SYTL5: variants seen among roughly 807,000 people sequenced by gnomAD.
SYTL5 encodes synaptotagmin-like protein 5.
A neutral mutation model predicts 55.9 loss-of-function variants in SYTL5; 34 were observed. That is an observed-to-expected ratio of 0.61 (90% CI 0.46 to 0.81). SYTL5 has a LOEUF of 0.81. Ranked by LOEUF, SYTL5 falls within the 30% of genes least tolerant of loss-of-function variation. SYTL5 has a pLI of 0.00. For synonymous variants in SYTL5, 221 were observed against 188.7 expected (o/e 1.17, Z -1.40); for missense variants, 637 against 546.7 (o/e 1.17, Z -1.65).
the SYTL5 span, among the ~76,000 whole-genome samples, chrX:37,990,318 G>T: frequency 1.8e-5 from 2 of 112,058 alleles, no homozygotes; most frequent in African/African-American, 6.5e-5. Context: ...GAGTTGATAT[G>T]GGAATATTCA....
chrX:38,033,034 AT>A (rs1307435916), intron 1 of SYTL5, among the ~76,000 whole-genome samples: 2 of 111,781 alleles, frequency 1.8e-5, no homozygotes, highest in Admixed American at 9.5e-5. Context: ...CTGTAACTTA[AT>A]TTTTTTTATT....
intron 2 of SYTL5, among the ~76,000 whole-genome samples, chrX:38,048,676 A>G (rs1935543102): frequency 9.0e-6 from 1 of 110,783 alleles, no homozygotes; most frequent in Non-Finnish European, 1.9e-5. Flanking sequence ...TTATAAAACC[A>G]TCAGATCTCA....
intron 5 of SYTL5, among the ~76,000 whole-genome samples, chrX:38,075,623 A>C (rs968727032): frequency 6.3e-5 from 7 of 111,721 alleles, no homozygotes; most frequent in Admixed American, 1.9e-4. Flanking sequence ...ATACCTTGAC[A>C]TTATATTAAG....
At chrX:37,975,639 T>C in the SYTL5 span, among the ~76,000 whole-genome samples, 1 of 111,557 alleles carries the variant, frequency 9.0e-6, no homozygotes, top group Admixed American at 9.5e-5. Context: ...GGGTGGAGTA[T>C]AGAAGCTGTG....
At chrX:37,956,854 AG>A in the SYTL5 span, among the ~76,000 whole-genome samples, 1 of 111,492 alleles carries the variant, frequency 9.0e-6, no homozygotes, top group Admixed American at 9.6e-5. Context: ...AAATTTTCTG[AG>A]GAACCTCCGT....
chrX:37,977,406 G>A, the SYTL5 span, among the ~76,000 whole-genome samples: 1 of 110,206 alleles, frequency 9.1e-6, no homozygotes, highest in Non-Finnish European at 1.9e-5. Context: ...AGTATGAAAG[G>A]CGTTCCAGGT....
At chrX:38,083,191 T>C (rs1026375885) in intron 6 of SYTL5, among the ~76,000 whole-genome samples, 3 of 111,414 alleles carry the variant, frequency 2.7e-5, no homozygotes, top group Non-Finnish European at 5.7e-5. Flanking sequence ...CTTCTGGTCA[T>C]TATTTAGAAA....
intron 2 of SYTL5, among the ~76,000 whole-genome samples, chrX:38,035,590 C>CA (rs1311843520): frequency 0.038 from 2,053 of 53,469 alleles, 21 homozygotes; most frequent in African/African-American, 0.058. Context: ...GACTCCGTCT[C>CA]AAAAAAAAAA....
intron 1 of SYTL5, among the ~76,000 whole-genome samples, chrX:38,030,935 T>A (rs1440913113): frequency 8.9e-6 from 1 of 112,099 alleles, no homozygotes; most frequent in African/African-American, 3.2e-5. Flanking sequence ...AAGGTCAAGC[T>A]CTCAAGGAAA....
chrX:38,089,401 C>T lies in SYTL5; in HGVS notation c.690-45C>T. On this transcript the variant is annotated intron_variant, in intron 6 of 16. Transcript: ENST00000297875. ...TTTACTCTGCCTGTGTATTTGGTTG[C>T]TGCTCTGCTTCCATGTTAAAGTCAG... 3.4e-6 allele frequency: 4 copies of T among 1,169,875 alleles called. No individual in the cohort carries two copies. The East Asian group carries it at 1.2e-4, about 36-fold the overall frequency.
At chrX:38,048,084 G>A (rs891642802) in intron 2 of SYTL5, among the ~76,000 whole-genome samples, 14 of 110,335 alleles carry the variant, frequency 1.3e-4, no homozygotes, top group Non-Finnish European at 2.5e-4. Context: ...TACTTGGGAG[G>A]CTGAGGCAGG....
chrX:38,037,166 G>A (rs1024899811), intron 2 of SYTL5, among the ~76,000 whole-genome samples: 4 of 112,032 alleles, frequency 3.6e-5, no homozygotes, highest in Non-Finnish European at 7.5e-5. Context: ...AAAGCCAATG[G>A]TTGACGGGTA....
At chrX:37,990,784 C>T in the SYTL5 span, 1 of 1,142,235 alleles carries the variant, frequency 8.8e-7, no homozygotes, top group Middle Eastern at 2.4e-4. Context: ...TCCTCAGAGA[C>T]CTACTTGAGC....
chrX:38,065,882 T>A (rs1439625693), intron 3 of SYTL5, among the ~76,000 whole-genome samples: 1 of 111,354 alleles, frequency 9.0e-6, no homozygotes, highest in Non-Finnish European at 1.9e-5. Context: ...GGCGGATCAC[T>A]TGAGGTCAGG....
the SYTL5 span, among the ~76,000 whole-genome samples, chrX:37,927,602 C>T: frequency 5.5e-5 from 6 of 109,284 alleles, no homozygotes; most frequent in East Asian, 2.9e-4. Context: ...AGTGAAGCCT[C>T]GTCTCTACTG....
chrX:38,072,257 G>T, intron 4 of SYTL5, 95 bp downstream of exon 4: 2 of 621,668 alleles, frequency 3.2e-6, no homozygotes, highest in Non-Finnish European at 5.0e-6. Context: ...CAGCATAAAT[G>T]AGTTTCTTGA....
chrX:37,937,619 C>A, the SYTL5 span, among the ~76,000 whole-genome samples: 1 of 112,077 alleles, frequency 8.9e-6, no homozygotes, highest in African/African-American at 3.2e-5. Flanking sequence ...CCACGTCCAC[C>A]CAGAATTATG....
chrX:37,960,588 G>T, the SYTL5 span, among the ~76,000 whole-genome samples: 1 of 110,418 alleles, frequency 9.1e-6, no homozygotes, highest in Non-Finnish European at 1.9e-5. Context: ...TCATTAGAGT[G>T]GCTTTTACTG....
chrX:37,949,795 TA>T, the SYTL5 span, among the ~76,000 whole-genome samples: 1 of 111,713 alleles, frequency 9.0e-6, no homozygotes, highest in Non-Finnish European at 1.9e-5. Flanking sequence ...GTACAACATT[TA>T]AAAAAAGTTG....
Sources: gnomAD v4.1 joint callset for allele counts (sites outside exome capture counted in the v4.1 genomes callset) on GRCh38, gnomAD v4.1.1 for gene constraint, MANE v1.5 for transcripts, NCBI Gene and HGNC (gene_info 2026-07-23, HGNC 2026-07-21) for gene names.